Variants in TBC1D5 observed in about 807,000 individuals in gnomAD.
TBC1D5 encodes the protein TBC1 domain family, member 5.
TBC1D5 carries 75 observed loss-of-function variants against 100.3 expected under a neutral mutation model. The observed-to-expected ratio is 0.75, with a 90% CI of 0.62 to 0.91. TBC1D5 has a LOEUF of 0.91. Among genes scored for constraint, TBC1D5 ranks in the 40% least tolerant of loss-of-function variants. The pLI is 0.00. For synonymous variants in TBC1D5, 323 were observed against 325.6 expected, an observed-to-expected ratio of 0.99 and a Z score of 0.09; for missense variants, 910 against 942.4, an observed-to-expected ratio of 0.97 and a Z score of 0.45.
chr3:17,647,492 A>G (rs2065117547), intron 1 of TBC1D5, among the ~76,000 whole-genome samples: 1 of 105,942 alleles, frequency 9.4e-6, no homozygotes, highest in African/African-American at 2.8e-5. Flanking sequence ...ACAAGGTGAC[A>G]CTTAAGAAAA....
At chr3:17,369,539 G>C (rs1031800457) in intron 13 of TBC1D5, among the ~76,000 whole-genome samples, 2 of 152,030 alleles carry the variant, frequency 1.3e-5, no homozygotes, top group African/African-American at 4.8e-5. Context: ...ATTAGAGATG[G>C]GGGTCTTGCT....
chr3:17,501,005 A>C (rs979812443), intron 3 of TBC1D5, among the ~76,000 whole-genome samples: 1 of 149,528 alleles, frequency 6.7e-6, no homozygotes, highest in African/African-American at 2.5e-5. Context: ...ACCAGTTGAA[A>C]AATCTGTTTT....
intron 2 of TBC1D5, among the ~76,000 whole-genome samples, chr3:17,527,297 T>G (rs187895306): frequency 1.9e-4 from 29 of 152,248 alleles, no homozygotes; most frequent in African/African-American, 6.3e-4. Context: ...ACAAGCCACA[T>G]GATAACCTGA....
At chr3:17,679,779 T>C (rs2153807935) in intron 1 of TBC1D5, among the ~76,000 whole-genome samples, 1 of 151,730 alleles carries the variant, frequency 6.6e-6, no homozygotes, top group South Asian at 2.1e-4. Context: ...TTTTATATAG[T>C]GAAGTATTAC....
At chr3:17,617,825 C>T (rs954398056) in intron 2 of TBC1D5, among the ~76,000 whole-genome samples, 1 of 152,130 alleles carries the variant, frequency 6.6e-6, no homozygotes, top group Admixed American at 6.5e-5. Context: ...TTTTAGCTTC[C>T]TTGCGATGTG....
chr3:17,440,578 C>CT (rs1167091924), intron 3 of TBC1D5, among the ~76,000 whole-genome samples: 2 of 152,202 alleles, frequency 1.3e-5, no homozygotes, highest in Admixed American at 6.5e-5. Flanking sequence ...GATGGAGCCA[C>CT]TGCACTGCAG....
chr3:17,544,282 A>C (rs896174488), intron 2 of TBC1D5, among the ~76,000 whole-genome samples: 6 of 152,212 alleles, frequency 3.9e-5, no homozygotes, highest in Admixed American at 1.3e-4. Context: ...ATTGTACATG[A>C]AAACCCACCT....
chr3:17,214,527 T>C (rs988129252), intron 17 of TBC1D5, among the ~76,000 whole-genome samples, 157 bp from the exon 19 acceptor site: 6 of 152,254 alleles, frequency 3.9e-5, no homozygotes, highest in Admixed American at 2.0e-4. Flanking sequence ...TGCATTTTTA[T>C]GTATCAGAAT....
intron 13 of TBC1D5, among the ~76,000 whole-genome samples, chr3:17,364,755 T>C (rs924450223): frequency 1.4e-4 from 22 of 152,170 alleles, no homozygotes; most frequent in Non-Finnish European, 2.4e-4. Context: ...GTAAATAATC[T>C]TGTTACTTTC....
chr3:17,689,479 C>A lies in TBC1D5; in HGVS notation c.-101+49864G>T, dbSNP rs186542963. Among the ~76,000 whole-genome samples the A allele has an allele frequency of 3.8e-3, 532 of 139,034 alleles. 1 individual carries two copies. Among genetic ancestry groups the A allele is most frequent in the Non-Finnish European group, 6.3e-3 (414 of 66,004 alleles). The allele number at this position is 139,034 out of a possible 152,430, so 91.2% of individuals were successfully genotyped here. On this transcript the variant is annotated intron_variant, in intron 1 of 21. Coordinates refer to ENST00000253692, the Ensembl canonical transcript of TBC1D5. ...GCTTGAGTTGGGAAGGTCAAGGCTG[C>A]AGTGGGCCCTGCCTGGGCGACAGAG...
At chr3:17,289,647 A>C (rs2081523664) in intron 15 of TBC1D5, among the ~76,000 whole-genome samples, 1 of 148,610 alleles carries the variant, frequency 6.7e-6, no homozygotes, top group African/African-American at 2.5e-5. Flanking sequence ...AAAAAAAAAA[A>C]GTCAGTTCTT....
intron 15 of TBC1D5, among the ~76,000 whole-genome samples, chr3:17,275,829 C>T (rs1443239929): frequency 3.3e-5 from 5 of 152,162 alleles, no homozygotes; most frequent in Admixed American, 6.5e-5. Flanking sequence ...ACTACCCTTA[C>T]TGTGAAGTAG....
intron 3 of TBC1D5, among the ~76,000 whole-genome samples, chr3:17,432,431 T>G (rs1466539490): frequency 1.3e-5 from 2 of 152,192 alleles, no homozygotes; most frequent in African/African-American, 4.8e-5. Context: ...CTCAGCATTA[T>G]CCATAAAGTA....
At chr3:17,509,361 T>C (rs1346067757) in intron 2 of TBC1D5, among the ~76,000 whole-genome samples, 1 of 151,968 alleles carries the variant, frequency 6.6e-6, no homozygotes, top group Non-Finnish European at 1.5e-5. Flanking sequence ...ATTATTTCCT[T>C]AGGATAAATT....
intron 3 of TBC1D5, among the ~76,000 whole-genome samples, chr3:17,466,159 A>G (rs1249070131): frequency 6.6e-6 from 1 of 152,228 alleles, no homozygotes; most frequent in Non-Finnish European, 1.5e-5. Flanking sequence ...GCCTAGAGAT[A>G]CCGCTATAGT....
intron 2 of TBC1D5, among the ~76,000 whole-genome samples, chr3:17,514,651 T>G (rs978331181): frequency 1.3e-5 from 2 of 152,180 alleles, no homozygotes; most frequent in Non-Finnish European, 2.9e-5. Flanking sequence ...AAATATTTTA[T>G]ATTACAAACT....
At chr3:17,228,558 C>T (rs2075129909) in intron 17 of TBC1D5, among the ~76,000 whole-genome samples, 1 of 152,206 alleles carries the variant, frequency 6.6e-6, no homozygotes, top group Non-Finnish European at 1.5e-5. Context: ...CAGACTTCAA[C>T]TAACTGGCAC....
chr3:17,494,075 G>A, intron 3 of TBC1D5, among the ~76,000 whole-genome samples: 1 of 152,118 alleles, frequency 6.6e-6, no homozygotes, highest in East Asian at 1.9e-4. Context: ...TTCAATCTTT[G>A]AGGCTGTTGA....
intron 17 of TBC1D5, among the ~76,000 whole-genome samples, chr3:17,235,701 G>T (rs2075801118): frequency 6.6e-6 from 1 of 152,192 alleles, no homozygotes; most frequent in Non-Finnish European, 1.5e-5. Flanking sequence ...TTATTTCAGG[G>T]TGAGGAAAGA....
Sources: allele counts gnomAD v4.1 joint callset (sites outside exome capture counted in the v4.1 genomes callset), GRCh38; gene constraint gnomAD v4.1.1; transcripts MANE v1.5; gene names NCBI Gene and HGNC (gene_info 2026-07-23, HGNC 2026-07-21).